Variants in RTN3 observed in about 807,000 individuals in gnomAD.
RTN3 encodes reticulon-3.
In RTN3, 49 loss-of-function variants were observed where a neutral mutation model predicts 77.8. The observed-to-expected ratio is 0.63, with a 90% CI of 0.50 to 0.80. RTN3 has a LOEUF of 0.80. RTN3 is among the 30% of genes least tolerant of loss of function. The probability of loss-of-function intolerance (pLI) is 0.00; values close to 1 mark genes in which losing one functional copy is unlikely to be tolerated. For missense variants in RTN3, 1,236 were observed against 1,211.9 expected (o/e 1.02, Z -0.29); for synonymous variants, 464 against 446.9 (o/e 1.04, Z -0.48).
Position 63,681,764 on chromosome 11 carries a change from G to T in RTN3, c.128G>T (p.Ser43Ile). ...CCCGCCCTGGGGACGAAGAGCTGCAGCTCCTCCTGTGCGGGTAAGGCGCGC... is the reference window on the plus strand; with the variant it reads ...CCCGCCCTGGGGACGAAGAGCTGCATCTCCTCCTGTGCGGGTAAGGCGCGC... ...ACPALGTKSC[S>I]SSCADSFVSS... Residue 43 changes from serine (S) to isoleucine (I), a missense_variant, in exon 1 of 9, where the codon AGC becomes ATC. By Grantham distance (142) the Ser-to-Ile change is moderately radical (BLOSUM62 -2). Transcript: ENST00000377819. 6.3e-7 allele frequency: 1 copy of T among 1,596,006 alleles called. No homozygotes were observed. Among genetic ancestry groups the T allele is most frequent in the Non-Finnish European group, 8.5e-7 (1 of 1,174,140 alleles).
intron 1 of RTN3, among the ~76,000 whole-genome samples, chr11:63,700,119 G>T (rs1186498854): frequency 6.6e-6 from 1 of 152,068 alleles, no homozygotes; most frequent in Non-Finnish European, 1.5e-5. Context: ...GCAAACAGCT[G>T]GCATGCTCAT....
intron 3 of RTN3, among the ~76,000 whole-genome samples, chr11:63,725,573 T>C (rs1466344197): frequency 1.3e-5 from 2 of 151,978 alleles, no homozygotes; most frequent in African/African-American, 4.8e-5. Context: ...CTCAGCCTCC[T>C]GAGTAGCTGG....
intron 3 of RTN3, among the ~76,000 whole-genome samples, chr11:63,723,433 T>A (rs650752): frequency 3.0e-4 from 45 of 150,202 alleles, no homozygotes; most frequent in South Asian, 6.3e-4. Flanking sequence ...TTTTTTTTTT[T>A]AATTTTTTGA....
intron 2 of RTN3, among the ~76,000 whole-genome samples, chr11:63,711,014 C>CAG (rs1590816652): frequency 6.6e-6 from 1 of 152,204 alleles, no homozygotes; most frequent in East Asian, 1.9e-4. Flanking sequence ...TGTGGTGGCT[C>CAG]ACATCTGTAA....
At chr11:63,731,136 A>G (rs551669075) in intron 3 of RTN3, among the ~76,000 whole-genome samples, 1 of 152,094 alleles carries the variant, frequency 6.6e-6, no homozygotes, top group African/African-American at 2.4e-5. Context: ...GCTGGAGTGC[A>G]GTGGTGTGAT....
chr11:63,728,406 T>C (rs951596203), intron 3 of RTN3, among the ~76,000 whole-genome samples: 1 of 152,148 alleles, frequency 6.6e-6, no homozygotes, highest in Non-Finnish European at 1.5e-5. Flanking sequence ...AAAATACTTA[T>C]GAAGCAGAAT....
chr11:63,691,369 CCTT>C (rs1289608951), intron 1 of RTN3, among the ~76,000 whole-genome samples: 5 of 152,194 alleles, frequency 3.3e-5, no homozygotes, highest in Admixed American at 6.5e-5. Flanking sequence ...GATCCACCCT[CCTT>C]GGCCTCCTAA....
chr11:63,734,000 TTAAA>T (rs2012892741), intron 3 of RTN3, among the ~76,000 whole-genome samples: 2 of 152,156 alleles, frequency 1.3e-5, no homozygotes, highest in Non-Finnish European at 2.9e-5. Flanking sequence ...TCTAAAATTT[TTAAA>T]TAAAAAAAGT....
chr11:63,756,066 G>A (rs758242559), intron 7 of RTN3, 46 bp from the exon 8 acceptor site: 3 of 1,363,780 alleles, frequency 2.2e-6, no homozygotes, highest in Middle Eastern at 1.8e-4. Flanking sequence ...AGGAAAATTG[G>A]TGATCTGTAT....
chr11:63,724,770 C>T (rs985851729), intron 3 of RTN3, among the ~76,000 whole-genome samples: 55 of 152,062 alleles, frequency 3.6e-4, no homozygotes, highest in African/African-American at 7.0e-4. Flanking sequence ...AGATTACAGG[C>T]GTGAGCCACG....
chr11:63,718,791 C>G lies in RTN3; in HGVS notation c.289C>G (p.Leu97Val), dbSNP rs756099252. ...ATCTTCTGAAATACATAACACTGGC[C>G]TTACAATACTACATGGAGAAAAAAG... is the stretch of plus-strand genomic sequence containing the variant. ...LSSSEIHNTGLTILHGEKSHV... is the reference protein window; with the variant it reads ...LSSSEIHNTGVTILHGEKSHV... The change falls in exon 3 of 9, where the codon CTT becomes GTT. Residue 97 changes from leucine to valine, a missense_variant. This residue lies in a region of RTN3 where 1,056 missense variants were observed against 990.4 expected (regional missense o/e 1.07). Transcript: ENST00000377819. The G allele has an allele frequency of 3.0e-5, 48 of 1,613,554 alleles. No individual in the cohort carries two copies. The highest frequency in any genetic ancestry group is 3.7e-5 in the Non-Finnish European group (44 of 1,179,924).
chr11:63,713,325 C>T (rs1372445740), intron 2 of RTN3, among the ~76,000 whole-genome samples: 1 of 152,002 alleles, frequency 6.6e-6, no homozygotes, highest in Admixed American at 6.6e-5. Flanking sequence ...GATTCTCACC[C>T]ACCCCCCATT....
chr11:63,681,489 C>CTGAG, upstream of RTN3: 2 of 814,830 alleles, frequency 2.5e-6, no homozygotes, highest in Non-Finnish European at 3.5e-6. Flanking sequence ...CTGCGCTCGG[C>CTGAG]TGAGTCAGTC....
intron 3 of RTN3, among the ~76,000 whole-genome samples, chr11:63,743,052 T>C (rs919780310): frequency 6.6e-6 from 1 of 152,064 alleles, no homozygotes; most frequent in Non-Finnish European, 1.5e-5. Flanking sequence ...GGCTAATTTA[T>C]TTTATTTTAT....
chr11:63,736,883 A>G (rs1446890422), intron 3 of RTN3, among the ~76,000 whole-genome samples: 1 of 152,014 alleles, frequency 6.6e-6, no homozygotes, highest in African/African-American at 2.4e-5. Flanking sequence ...CATCATATTC[A>G]CAGGTTCTGT....
intron 8 of RTN3, among the ~76,000 whole-genome samples, chr11:63,757,855 G>C (rs545437512): frequency 2.2e-4 from 33 of 151,498 alleles, no homozygotes; most frequent in Non-Finnish European, 4.0e-4. Flanking sequence ...TCAGCCTCCT[G>C]AGTAGCTGGG....
intron 2 of RTN3, among the ~76,000 whole-genome samples, chr11:63,711,203 C>T (rs984032349): frequency 3.3e-5 from 5 of 151,782 alleles, no homozygotes; most frequent in South Asian, 2.1e-4. Flanking sequence ...TCACTTGAAC[C>T]GGGGAGGTGG....
At chr11:63,685,478 A>G (rs891575514) in intron 1 of RTN3, among the ~76,000 whole-genome samples, 23 of 132,594 alleles carry the variant, frequency 1.7e-4, no homozygotes, top group African/African-American at 6.5e-4. Context: ...CCTAGGCGAC[A>G]CAGCAAGACT....
intron 2 of RTN3, among the ~76,000 whole-genome samples, chr11:63,711,682 A>G (rs771814882): frequency 6.6e-6 from 1 of 152,142 alleles, no homozygotes; most frequent in Non-Finnish European, 1.5e-5. Context: ...CTCCTGCCTC[A>G]GCCTCCTGAG....
Sources: allele counts gnomAD v4.1 joint callset (sites outside exome capture counted in the v4.1 genomes callset), GRCh38; gene constraint gnomAD v4.1.1; regional missense constraint gnomAD v4.1.1; transcripts MANE v1.5; gene names NCBI Gene and HGNC (gene_info 2026-07-23, HGNC 2026-07-21).